Variants in ASCC1 observed in about 807,000 individuals in gnomAD.
The protein encoded by ASCC1 is ASC-1 complex subunit P50.
A neutral mutation model predicts 46.6 loss-of-function variants in ASCC1; 35 were observed. The observed-to-expected ratio is 0.75, with a 90% CI of 0.57 to 0.99. The LOEUF (loss-of-function observed/expected upper bound fraction) is 0.99, where lower values mean the gene tolerates loss of function less well. ASCC1 is among the 50% of genes least tolerant of loss of function. The pLI is 0.00. For missense variants in ASCC1, 376 were observed against 428.7 expected, an observed-to-expected ratio of 0.88 and a Z score of 1.09; for synonymous variants, 143 against 146.6, an observed-to-expected ratio of 0.98 and a Z score of 0.18.
chr10:72,136,294 GCT>G (rs1846185291), intron 7 of ASCC1, among the ~76,000 whole-genome samples: 1 of 151,336 alleles, frequency 6.6e-6, no homozygotes, highest in African/African-American at 2.4e-5. Context: ...ACCAATCAGC[GCT>G]CTGTGTCTAG....
intron 9 of ASCC1, among the ~76,000 whole-genome samples, chr10:72,109,917 C>T (rs1456091299): frequency 1.3e-5 from 2 of 152,222 alleles, no homozygotes; most frequent in African/African-American, 2.4e-5. Context: ...TTCCACATTA[C>T]GTCACAGAAT....
At chr10:72,213,421 G>A (rs1858473043) in intron 1 of ASCC1, 90 bp from the exon 2 acceptor site, 1 of 724,732 alleles carries the variant, frequency 1.4e-6, no homozygotes, top group South Asian at 1.5e-5. Flanking sequence ...TCTGAATTGG[G>A]CATCAGTTCA....
chr10:72,210,771 C>T lies in ASCC1; in HGVS notation c.173G>A (p.Gly58Glu), dbSNP rs1307516685. 2 of 1,614,000 alleles carry T rather than the reference C, an allele frequency of 1.2e-6. No homozygotes were observed. The highest frequency in any genetic ancestry group is 2.2e-5 in the South Asian group (2 of 91,092). Residue 58 changes from glycine (G) to glutamate (E), a missense_variant, in exon 3 of 10, where the codon GGA becomes GAA. Physicochemically the swap from Gly to Glu is moderately conservative, Grantham distance 98. Coordinates refer to ENST00000672957, the MANE Select transcript of ASCC1 (RefSeq NM_001198800.3). ...GGGGGCCCTCAAAGTAGACCGGAAT[C>T]CTTGTGGGGTCTGCTCCACCTCGTA... is the stretch of plus-strand genomic sequence containing the variant. The part of the protein sequence containing the change: ...DAYEVEQTPQ[G>E]FRSTLRAPSL...
chr10:72,156,994 C>T (rs550618284), intron 6 of ASCC1, among the ~76,000 whole-genome samples: 1 of 152,156 alleles, frequency 6.6e-6, no homozygotes, highest in African/African-American at 2.4e-5. Context: ...TTTAGGCGGA[C>T]ACTTTTCTTT....
chr10:72,153,531 T>G (rs1212340364), intron 6 of ASCC1, among the ~76,000 whole-genome samples: 1 of 152,060 alleles, frequency 6.6e-6, no homozygotes, highest in Non-Finnish European at 1.5e-5. Flanking sequence ...GTTCACACCA[T>G]TCTCCTGCCT....
chr10:72,215,110 T>C (rs79313147), intron 1 of ASCC1, among the ~76,000 whole-genome samples: 1 of 152,302 alleles, frequency 6.6e-6, no homozygotes, highest in East Asian at 1.9e-4. Flanking sequence ...AATACACTAA[T>C]GTTCAAGCCA....
chr10:72,194,931 G>A (rs1042652692), intron 5 of ASCC1, among the ~76,000 whole-genome samples: 10 of 151,578 alleles, frequency 6.6e-5, no homozygotes, highest in Admixed American at 1.3e-4. Flanking sequence ...TAGTAGAGAC[G>A]GGGTTTCTCC....
intron 9 of ASCC1, among the ~76,000 whole-genome samples, chr10:72,108,810 G>C: frequency 6.6e-6 from 1 of 152,158 alleles, no homozygotes; most frequent in East Asian, 1.9e-4. Context: ...AATCTCTAAT[G>C]CATCACTGCA....
intron 9 of ASCC1, among the ~76,000 whole-genome samples, chr10:72,115,971 T>C (rs755899674): frequency 6.6e-6 from 1 of 152,196 alleles, no homozygotes; most frequent in Non-Finnish European, 1.5e-5. Flanking sequence ...TGGCCCAATT[T>C]ATGTGGTAAG....
rs1240827312 is a variant in ASCC1, at chr10:72,198,658, T to C, written c.311-1669A>G. On this transcript the variant is annotated intron_variant, in intron 4 of 9. Transcript: ENST00000672957. The stretch of plus-strand genomic sequence containing the variant: ...AAAGCTACCAGATCATTTCCTTCTC[T>C]GATTTCTCTAATTTAGGAGACACAA... The C allele has an allele frequency of 8.8e-6, 4 of 455,960 alleles. No individual in the cohort carries two copies. The Admixed American group carries it at 9.4e-5, about 11-fold the overall frequency. The allele number at this position is 455,960 out of a possible 1,614,324, so 28.2% of individuals were successfully genotyped here.
intron 9 of ASCC1, among the ~76,000 whole-genome samples, chr10:72,110,140 TC>T (rs1220117681): frequency 6.6e-6 from 1 of 152,182 alleles, no homozygotes; most frequent in East Asian, 1.9e-4. Context: ...ATAAATTCTC[TC>T]CCTTAGAAAA....
intron 5 of ASCC1, among the ~76,000 whole-genome samples, chr10:72,164,080 A>G (rs1471290968): frequency 2.6e-5 from 4 of 152,066 alleles, no homozygotes; most frequent in African/African-American, 9.7e-5. Context: ...CTCCTGCCTC[A>G]GCCTCCTGAG....
At chr10:72,165,884 A>T (rs920743360) in intron 5 of ASCC1, among the ~76,000 whole-genome samples, 1 of 152,240 alleles carries the variant, frequency 6.6e-6, no homozygotes, top group Non-Finnish European at 1.5e-5. Flanking sequence ...ACTACAATTG[A>T]GAACTGCTCC....
intron 9 of ASCC1, among the ~76,000 whole-genome samples, chr10:72,113,796 T>C (rs753540703): frequency 6.6e-6 from 1 of 152,228 alleles, no homozygotes; most frequent in East Asian, 1.9e-4. Flanking sequence ...TGTCAAAATA[T>C]GAAAAGCCCC....
intron 5 of ASCC1, among the ~76,000 whole-genome samples, chr10:72,188,075 T>C (rs1853771211): frequency 6.6e-6 from 1 of 151,126 alleles, no homozygotes; most frequent in Admixed American, 6.6e-5. Flanking sequence ...ATTTTACTAA[T>C]TCTCACCCCA....
At chr10:72,214,982 G>A (rs1589685032) in intron 1 of ASCC1, among the ~76,000 whole-genome samples, 1 of 152,204 alleles carries the variant, frequency 6.6e-6, no homozygotes, top group East Asian at 1.9e-4. Context: ...AGGAAACAAA[G>A]GTTCCTTACA....
intron 5 of ASCC1, among the ~76,000 whole-genome samples, chr10:72,166,054 C>T (rs1469737837): frequency 6.6e-6 from 1 of 152,160 alleles, no homozygotes; most frequent in Non-Finnish European, 1.5e-5. Context: ...CCCAAGGTAA[C>T]ACTGCTAGGA....
At chr10:72,209,894 G>A (rs2133476722) in intron 3 of ASCC1, among the ~76,000 whole-genome samples, 1 of 152,316 alleles carries the variant, frequency 6.6e-6, no homozygotes, top group Non-Finnish European at 1.5e-5. Context: ...AGTGGGGCCT[G>A]GTGGCAGGTG....
At chr10:72,192,543 G>C (rs1854695020) in intron 5 of ASCC1, among the ~76,000 whole-genome samples, 2 of 152,074 alleles carry the variant, frequency 1.3e-5, no homozygotes, top group Non-Finnish European at 2.9e-5. Context: ...ACCCATGCTG[G>C]AGTGCAGTGG....
Sources: allele counts gnomAD v4.1 joint callset (sites outside exome capture counted in the v4.1 genomes callset), GRCh38; gene constraint gnomAD v4.1.1; transcripts MANE v1.5; gene names NCBI Gene and HGNC (gene_info 2026-07-23, HGNC 2026-07-21).